The following MCTP2 variants were observed in gnomAD, a reference collection of about 807,000 sequenced individuals.
MCTP2 encodes the protein multiple C2 and transmembrane domain-containing protein 2.
MCTP2 carries 132 observed loss-of-function variants against 111.6 expected under a neutral mutation model. That is an observed-to-expected ratio of 1.18 (90% CI 1.03 to 1.37). The LOEUF (loss-of-function observed/expected upper bound fraction) is 1.37. Among genes scored for constraint, MCTP2 ranks in the 40% most tolerant of loss-of-function variants. The pLI is 0.00. For synonymous variants in MCTP2, 395 were observed against 387.7 expected (o/e 1.02, Z -0.22); for missense variants, 1,183 against 1,067.9 (o/e 1.11, Z -1.50).
intron 17 of MCTP2, among the ~76,000 whole-genome samples, chr15:94,423,840 A>G (rs571199517): frequency 1.1e-4 from 17 of 152,338 alleles, no homozygotes; most frequent in African/African-American, 4.1e-4. Context: ...AAAATATGTC[A>G]CATGTACAAG....
At chr15:94,365,900 T>C (rs2079157612) in intron 10 of MCTP2, among the ~76,000 whole-genome samples, 1 of 152,172 alleles carries the variant, frequency 6.6e-6, no homozygotes, top group African/African-American at 2.4e-5. Flanking sequence ...CTTCTACAAA[T>C]TTGGATTATT....
intron 14 of MCTP2, among the ~76,000 whole-genome samples, chr15:94,398,182 CT>C (rs1414303723): frequency 1.3e-5 from 2 of 152,262 alleles, no homozygotes; most frequent in African/African-American, 4.8e-5. Flanking sequence ...TTTGTTGGCA[CT>C]TTGTGCATTT....
chr15:94,246,896 AG>A (rs2072053258), intron 1 of MCTP2, among the ~76,000 whole-genome samples: 1 of 152,172 alleles, frequency 6.6e-6, no homozygotes, highest in African/African-American at 2.4e-5. Context: ...TTCATTTGAG[AG>A]ATGCTACTGT....
At chr15:94,243,900 CACAT>C (rs1420056612) in intron 1 of MCTP2, among the ~76,000 whole-genome samples, 8 of 140,698 alleles carry the variant, frequency 5.7e-5, no homozygotes, top group African/African-American at 1.5e-4. Context: ...TATATGTATA[CACAT>C]ACATATGTGT....
chr15:94,360,625 T>C (rs1377051199), intron 10 of MCTP2, among the ~76,000 whole-genome samples: 1 of 152,222 alleles, frequency 6.6e-6, no homozygotes, highest in Non-Finnish European at 1.5e-5. Flanking sequence ...CCCCTGCATT[T>C]CACAAGTCAT....
chr15:94,345,143 G>T lies in MCTP2; in HGVS notation c.984G>T (p.Arg328=). ...CAAATCTTTAGCGTTGGTCAAATCGGAAGCGATTAAGTGCCAGCAAGGTAA... is the reference window on the plus strand; with the variant it reads ...CAAATCTTTAGCGTTGGTCAAATCGTAAGCGATTAAGTGCCAGCAAGGTAA... ...GDFKRHRWSN[R]KRLSASKSSL... Residue 328 remains arginine, a synonymous_variant, in exon 8 of 23, where the codon CGG becomes CGT. Transcript: ENST00000357742. 6.2e-7 allele frequency: 1 copy of T among 1,612,676 alleles called. No individual in the cohort carries two copies. The highest frequency in any genetic ancestry group is 1.1e-5 in the South Asian group (1 of 91,022).
At position 94,406,265 on chromosome 15, in the gene MCTP2, A is replaced by G. The variant is rs376099525; in HGVS notation, c.2085+4246A>G. Among the ~76,000 whole-genome samples, 144 of 152,304 alleles carry G rather than the reference A, an allele frequency of 9.5e-4. 1 individual carries two copies. The South Asian group carries it at 0.029, about 31-fold the overall frequency. On this transcript the variant is annotated intron_variant, in intron 17 of 22. Coordinates refer to ENST00000357742, the MANE Select transcript of MCTP2 (RefSeq NM_001385001.1). Reference sequence around the variant, plus strand: ...CTTCTTTTTACAGATGAGAAAAATAAGCCTATAGAGGTCAAGTACAGTGAC... The same window carrying G: ...CTTCTTTTTACAGATGAGAAAAATAGGCCTATAGAGGTCAAGTACAGTGAC...
At position 94,340,887 on chromosome 15, in the gene MCTP2, T is replaced by G. The variant is rs760158364; in HGVS notation, c.932T>G (p.Leu311Trp). 6 of 1,612,356 alleles carry G rather than the reference T, an allele frequency of 3.7e-6. No homozygotes were observed. The highest frequency in any genetic ancestry group is 5.1e-6 in the Non-Finnish European group (6 of 1,178,474). ...GACATGGGAGTGATCGTGTTAAATT[T>G]GAACCTAGTGGTAAAACAGGGTGAT... ...EDDMGVIVLN[L>W]NLVVKQGDFK... The change falls in exon 7 of 23, where the codon TTG (leucine) becomes TGG (tryptophan). Residue 311 changes from leucine (L) to tryptophan (W), a missense_variant. Transcript: ENST00000357742.
chr15:94,347,633 AG>A (rs1344136720), intron 8 of MCTP2, among the ~76,000 whole-genome samples: 1 of 152,150 alleles, frequency 6.6e-6, no homozygotes, highest in African/African-American at 2.4e-5. Context: ...TTCATTTAAT[AG>A]GGTTGAATTC....
intron 4 of MCTP2, among the ~76,000 whole-genome samples, chr15:94,316,561 TTGGGA>T (rs2076388008): frequency 4.6e-5 from 7 of 152,222 alleles, no homozygotes; most frequent in African/African-American, 1.7e-4. Flanking sequence ...TTACAGGCTG[TTGGGA>T]AGATGGCAGG....
At chr15:94,367,070 A>G (rs1443971277) in intron 10 of MCTP2, among the ~76,000 whole-genome samples, 1 of 152,222 alleles carries the variant, frequency 6.6e-6, no homozygotes, top group Non-Finnish European at 1.5e-5. Context: ...CACTGTGCCT[A>G]TTAGGAAAAC....
intron 17 of MCTP2, among the ~76,000 whole-genome samples, chr15:94,421,518 T>A (rs1482847889): frequency 2.0e-5 from 3 of 152,178 alleles, no homozygotes; most frequent in Non-Finnish European, 4.4e-5. Context: ...ATCTGGAGGA[T>A]CTAGGGGAGA....
chr15:94,309,266 T>C (rs181334558), intron 2 of MCTP2, among the ~76,000 whole-genome samples: 11 of 151,948 alleles, frequency 7.2e-5, no homozygotes, highest in Admixed American at 7.2e-4. Flanking sequence ...GTCCTCTATG[T>C]ATTTGTGTTT....
At chr15:94,399,439 A>G (rs1285780516) in intron 15 of MCTP2, 1 of 179,294 alleles carries the variant, frequency 5.6e-6, no homozygotes, top group Non-Finnish European at 1.2e-5. Context: ...TCTGACCCTC[A>G]GTTTATTCCC....
intron 1 of MCTP2, among the ~76,000 whole-genome samples, chr15:94,250,928 GA>G (rs1190380948): frequency 4.6e-5 from 7 of 152,316 alleles, no homozygotes; most frequent in Middle Eastern, 3.4e-3. Context: ...TCAAGTTTAA[GA>G]AAATGTCTTA....
chr15:94,422,338 G>A (rs2082665353), intron 17 of MCTP2, among the ~76,000 whole-genome samples: 1 of 152,140 alleles, frequency 6.6e-6, no homozygotes. Flanking sequence ...ATAATTCCTA[G>A]TTAGTGAGTG....
intron 4 of MCTP2, among the ~76,000 whole-genome samples, chr15:94,336,711 A>G (rs1253166928): frequency 2.0e-5 from 3 of 149,316 alleles, no homozygotes; most frequent in South Asian, 2.1e-4. Flanking sequence ...ATGTGCATAT[A>G]TATGTATGTG....
chr15:94,433,939 A>G (rs1427345974), intron 17 of MCTP2, among the ~76,000 whole-genome samples: 1 of 152,154 alleles, frequency 6.6e-6, no homozygotes, highest in African/African-American at 2.4e-5. Flanking sequence ...GCACATTTAT[A>G]TTGAGTCGTC....
intron 1 of MCTP2, among the ~76,000 whole-genome samples, chr15:94,243,960 T>TAC: frequency 6.8e-6 from 1 of 147,236 alleles, no homozygotes; most frequent in African/African-American, 2.5e-5. Context: ...TGTATATATT[T>TAC]ACACACACAT....
Sources: gnomAD v4.1 joint callset for allele counts (sites outside exome capture counted in the v4.1 genomes callset) on GRCh38, gnomAD v4.1.1 for gene constraint, MANE v1.5 for transcripts, NCBI Gene and HGNC (gene_info 2026-07-23, HGNC 2026-07-21) for gene names.